Variants in COL4A5 observed in about 807,000 individuals in gnomAD.
COL4A5 encodes the protein collagen alpha-5(IV) chain.
A neutral mutation model predicts 130.2 loss-of-function variants in COL4A5; 26 were observed. The ratio of observed to expected loss-of-function variants is 0.20; its 90% CI spans 0.15 to 0.28. COL4A5 has a LOEUF of 0.28. COL4A5 is among the 10% of genes least tolerant of loss of function. The pLI, the probability that COL4A5 is intolerant of heterozygous loss-of-function variation, is 1.00. For synonymous variants in COL4A5, 496 were observed against 439.6 expected (o/e 1.13, Z -1.60); for missense variants, 1,131 against 1,344.3 (o/e 0.84, Z 2.48).
At chrX:108,519,966 A>G (rs1206006269) in intron 1 of COL4A5, among the ~76,000 whole-genome samples, 3 of 112,060 alleles carry the variant, frequency 2.7e-5, no homozygotes, top group Non-Finnish European at 5.7e-5. Flanking sequence ...TCTGTATGCA[A>G]TCATATCACC....
At chrX:108,528,213 G>A (rs1183872265) in intron 1 of COL4A5, among the ~76,000 whole-genome samples, 2 of 111,922 alleles carry the variant, frequency 1.8e-5, no homozygotes, top group Admixed American at 1.9e-4. Flanking sequence ...CTTCACCACA[G>A]CCTTCACTAA....
intron 16 of COL4A5, 160 bp from the exon 17 acceptor site, chrX:108,582,724 C>CA (rs2066271743): frequency 5.2e-6 from 1 of 190,512 alleles, no homozygotes; most frequent in African/African-American, 3.5e-5. Context: ...TCTGAGAAAA[C>CA]ACTCCTTGAA....
chrX:108,480,884 A>G (rs1421757051), intron 1 of COL4A5, among the ~76,000 whole-genome samples: 6 of 112,096 alleles, frequency 5.4e-5, no homozygotes, highest in African/African-American at 9.7e-5. Flanking sequence ...AATCTCTGCA[A>G]TCTCTCCACG....
intron 28 of COL4A5, among the ~76,000 whole-genome samples, chrX:108,604,324 G>A (rs147780504): frequency 2.7e-5 from 3 of 112,232 alleles, no homozygotes; most frequent in African/African-American, 9.7e-5. Context: ...CTGCAGAATG[G>A]GTATTGTGTT....
At chrX:108,677,320 A>G (rs766770731) in intron 43 of COL4A5, among the ~76,000 whole-genome samples, 180 bp from the exon 44 acceptor site, 34 of 112,485 alleles carry the variant, frequency 3.0e-4, no homozygotes, top group Admixed American at 2.5e-3. Context: ...AGTGTTCATA[A>G]CAAAAAGAAT....
intron 1 of COL4A5, among the ~76,000 whole-genome samples, chrX:108,528,979 T>A (rs1032675892): frequency 2.7e-5 from 3 of 111,731 alleles, no homozygotes; most frequent in African/African-American, 9.7e-5. Context: ...TAGGTAGATA[T>A]AATGCAAAGA....
chrX:108,528,893 A>G (rs2065352511), intron 1 of COL4A5, among the ~76,000 whole-genome samples: 1 of 112,343 alleles, frequency 8.9e-6, no homozygotes, highest in South Asian at 3.7e-4. Context: ...TAGAAAACCT[A>G]TTTAAAGAAT....
intron 1 of COL4A5, among the ~76,000 whole-genome samples, chrX:108,522,866 TAA>T (rs77650810): frequency 1.7e-4 from 17 of 100,576 alleles, no homozygotes; most frequent in African/African-American, 5.6e-4. Flanking sequence ...TAAACAAAGG[TAA>T]AAAAAAAATT....
intron 1 of COL4A5, among the ~76,000 whole-genome samples, chrX:108,481,669 G>A (rs748878695): frequency 6.0e-4 from 67 of 111,397 alleles, no homozygotes; most frequent in African/African-American, 8.8e-4. Flanking sequence ...TGCCTTTGGC[G>A]GTTGAGTACC....
intron 47 of COL4A5, among the ~76,000 whole-genome samples, chrX:108,683,022 T>G (rs2147984312): frequency 8.9e-6 from 1 of 112,202 alleles, no homozygotes; most frequent in African/African-American, 3.2e-5. Context: ...ATTTTTATGG[T>G]TTTAGGTCTT....
At chrX:108,635,802 T>C (rs1023754172) in intron 36 of COL4A5, among the ~76,000 whole-genome samples, 12 of 112,441 alleles carry the variant, frequency 1.1e-4, no homozygotes, top group Admixed American at 1.9e-4. Context: ...TTAAGGATAG[T>C]CTTTTCAACA....
chrX:108,631,676 C>T lies in COL4A5; in HGVS notation c.3246+5327C>T, dbSNP rs756278234. On this transcript the variant is annotated intron_variant, in intron 36 of 52. Coordinates refer to ENST00000328300, the MANE Select transcript of COL4A5 (RefSeq NM_033380.3). ...CAAATTAGAATTTAGGATTAAGAAA[C>T]TCACTCAAAACCGCATGACTACATG... Among the ~76,000 whole-genome samples the T allele has an allele frequency of 2.7e-5, 3 of 111,648 alleles. No homozygotes were observed. In the South Asian group the frequency reaches 1.1e-3, roughly 42 times the overall value.
intron 1 of COL4A5, among the ~76,000 whole-genome samples, chrX:108,532,129 A>G (rs951920184): frequency 4.5e-5 from 5 of 111,818 alleles, no homozygotes; most frequent in Admixed American, 3.8e-4. Flanking sequence ...ACAAGGATTC[A>G]ACCAAAAAAG....
rs1255324625 is a variant in COL4A5, at chrX:108,526,593, CTCCTTTCTTTCT to C, written c.82-13151_82-13140del. 2.8e-3 allele frequency among the ~76,000 whole-genome samples: 125 copies of C among 45,100 alleles called. 2 individuals carry two copies. The highest frequency in any genetic ancestry group is 0.012 in the African/African-American group (91 of 7,416). 39.2% of individuals were successfully genotyped at this position (45,100 alleles called of 115,157 possible). A position where few individuals can be genotyped will look rare whatever the true frequency, so the allele number is the denominator to read the frequency against. On this transcript the variant is annotated intron_variant, in intron 1 of 52. Coordinates refer to ENST00000328300, the MANE Select transcript of COL4A5 (RefSeq NM_033380.3). ...CTTTCCTCCCTCCCTCCCTCCCTCCCTCCTTTCTTTCTTTCTTTCTTTCTTTCTTTCTTTCTT... is the reference window on the plus strand; with the variant it reads ...CTTTCCTCCCTCCCTCCCTCCCTCCCTTCTTTCTTTCTTTCTTTCTTTCTT...
chrX:108,530,229 A>G, intron 1 of COL4A5, among the ~76,000 whole-genome samples: 1 of 112,094 alleles, frequency 8.9e-6, no homozygotes, highest in Admixed American at 9.4e-5. Flanking sequence ...GAATAAAACT[A>G]GAAATCAATA....
chrX:108,655,062 A>G (rs1471897588), intron 36 of COL4A5, among the ~76,000 whole-genome samples: 2 of 111,804 alleles, frequency 1.8e-5, no homozygotes, highest in African/African-American at 6.5e-5. Flanking sequence ...GATTGGCTAC[A>G]TAGCTGATTG....
At chrX:108,684,645 C>T (rs982647419) in intron 47 of COL4A5, among the ~76,000 whole-genome samples, 3 of 112,644 alleles carry the variant, frequency 2.7e-5, no homozygotes, top group Non-Finnish European at 3.8e-5. Context: ...CAGGACCAGA[C>T]GGCTTCACAG....
intron 36 of COL4A5, among the ~76,000 whole-genome samples, chrX:108,648,558 T>A (rs770742368): frequency 8.9e-6 from 1 of 111,967 alleles, no homozygotes; most frequent in African/African-American, 3.3e-5. Context: ...GTGGGTTTCA[T>A]ACCAAGGATG....
chrX:108,571,377 T>A (rs1196505955), intron 6 of COL4A5, 36 bp from the exon 7 acceptor site: 3 of 1,041,431 alleles, frequency 2.9e-6, no homozygotes, highest in Non-Finnish European at 2.7e-6. Context: ...CTTTGTTTCT[T>A]GTTCCTCCAT....
Sources: allele counts gnomAD v4.1 joint callset (sites outside exome capture counted in the v4.1 genomes callset), GRCh38; gene constraint gnomAD v4.1.1; transcripts MANE v1.5; gene names NCBI Gene and HGNC (gene_info 2026-07-23, HGNC 2026-07-21).